KALRN: variants seen among roughly 807,000 people sequenced by gnomAD.
KALRN encodes kalirin RhoGEF kinase.
Under a neutral mutation model 353.7 loss-of-function variants are expected in KALRN, and 70 were observed. The observed-to-expected ratio is 0.20, with a 90% CI of 0.16 to 0.24. KALRN has a LOEUF of 0.24. Among genes scored for constraint, KALRN ranks in the 10% least tolerant of loss-of-function variants. KALRN has a pLI of 1.00. For missense variants in KALRN, 2,791 were observed against 3,756.7 expected (o/e 0.74, Z 6.72); for synonymous variants, 1,391 against 1,434.8 (o/e 0.97, Z 0.69).
intron 1 of KALRN, among the ~76,000 whole-genome samples, chr3:124,073,876 G>T (rs890400503): frequency 1.3e-5 from 2 of 152,022 alleles, no homozygotes; most frequent in African/African-American, 2.4e-5. Context: ...GAAGTATTTT[G>T]TCTCTGATTT....
intron 5 of KALRN, among the ~76,000 whole-genome samples, chr3:124,278,154 A>G (rs1440765837): frequency 2.6e-5 from 4 of 151,308 alleles, no homozygotes. Context: ...TGGATGGAGG[A>G]TAGTGTAGGG....
intron 9 of KALRN, among the ~76,000 whole-genome samples, chr3:124,342,510 A>G (rs1295685328): frequency 2.6e-5 from 4 of 152,202 alleles, no homozygotes; most frequent in African/African-American, 2.4e-5. Flanking sequence ...TTATGGCTGA[A>G]TAGTATTCCA....
At chr3:124,332,692 C>T (rs2080712061) in intron 8 of KALRN, among the ~76,000 whole-genome samples, 1 of 151,978 alleles carries the variant, frequency 6.6e-6, no homozygotes, top group Admixed American at 6.5e-5. Context: ...AGACTGTGGG[C>T]GAGTGTTGGG....
chr3:124,617,300 C>T (rs994089688), intron 34 of KALRN, among the ~76,000 whole-genome samples: 2 of 152,172 alleles, frequency 1.3e-5, no homozygotes, highest in East Asian at 1.9e-4. Flanking sequence ...AGCCACTGCA[C>T]TCCAGCCTGG....
intron 18 of KALRN, among the ~76,000 whole-genome samples, chr3:124,440,493 C>T (rs931630572): frequency 6.6e-6 from 1 of 152,046 alleles, no homozygotes; most frequent in African/African-American, 2.4e-5. Context: ...CTGTTTTATT[C>T]AGGAGCCTCT....
At chr3:124,060,364 C>T (rs1188312713) in intron 1 of KALRN, among the ~76,000 whole-genome samples, 1 of 152,192 alleles carries the variant, frequency 6.6e-6, no homozygotes, top group Admixed American at 6.5e-5. Flanking sequence ...AAGAAAAGTA[C>T]TATTGTAGGT....
intron 12 of KALRN, among the ~76,000 whole-genome samples, chr3:124,397,286 G>C (rs1046112460): frequency 6.6e-6 from 1 of 152,172 alleles, no homozygotes; most frequent in Non-Finnish European, 1.5e-5. Flanking sequence ...AGTAGAAATT[G>C]TGCCTGTATC....
At chr3:124,577,687 G>C (rs865916775) in intron 34 of KALRN, among the ~76,000 whole-genome samples, 53 of 152,160 alleles carry the variant, frequency 3.5e-4, no homozygotes, top group African/African-American at 1.2e-3. Flanking sequence ...AAGAGTTCAA[G>C]ACCAGCCTGG....
chr3:124,382,520 A>G (rs1335488509), intron 10 of KALRN, among the ~76,000 whole-genome samples: 1 of 152,178 alleles, frequency 6.6e-6, no homozygotes, highest in Non-Finnish European at 1.5e-5. Flanking sequence ...GGACACAGGA[A>G]TTTCTATGCT....
At chr3:124,635,094 C>T (rs143787762) in intron 36 of KALRN, among the ~76,000 whole-genome samples, 1 of 152,268 alleles carries the variant, frequency 6.6e-6, no homozygotes, top group East Asian at 1.9e-4. Context: ...CGTGGCCCCT[C>T]CTAGGTGATG....
chr3:124,643,413 C>G (rs756980879), intron 37 of KALRN, among the ~76,000 whole-genome samples: 1 of 152,142 alleles, frequency 6.6e-6, no homozygotes, highest in East Asian at 1.9e-4. Flanking sequence ...CCTACACCCC[C>G]CAACAGTTTG....
chr3:124,308,765 A>G (rs2077953431), intron 6 of KALRN, among the ~76,000 whole-genome samples: 1 of 151,836 alleles, frequency 6.6e-6, no homozygotes. Context: ...CACTGGAAAA[A>G]GAAGAGCAAA....
chr3:124,216,650 A>G (rs541631146), intron 1 of KALRN, among the ~76,000 whole-genome samples: 23 of 152,308 alleles, frequency 1.5e-4, no homozygotes, highest in African/African-American at 5.3e-4. Flanking sequence ...AGAATTCTGG[A>G]GAAGGATTTT....
intron 33 of KALRN, among the ~76,000 whole-genome samples, chr3:124,501,106 C>G (rs891758072): frequency 1.3e-5 from 2 of 152,230 alleles, no homozygotes; most frequent in African/African-American, 4.8e-5. Flanking sequence ...CATTACAAAC[C>G]TATCCTAGTT....
In KALRN at chr3:124,264,546, C is replaced by T; in HGVS notation, c.312C>T (p.Gly104=). ...RGFTVIIDMR[G]SKWDLIKPLL... is the part of the protein sequence containing the mutation. ...TCACTGTCATCATCGACATGCGGGG[C>T]TCCAAGTGGGACCTCATCAAGCCCC... Residue 104 remains glycine (G), a synonymous_variant, in exon 4 of 60, where the codon GGC becomes GGT. Transcript: ENST00000682506. 2 of 1,614,118 alleles carry T rather than the reference C, an allele frequency of 1.2e-6. No individual in the cohort carries two copies. The highest frequency in any genetic ancestry group is 1.3e-5 in the African/African-American group (1 of 75,032).
chr3:124,414,868 T>C (rs1446797265), intron 14 of KALRN, among the ~76,000 whole-genome samples: 2 of 152,208 alleles, frequency 1.3e-5, no homozygotes, highest in Non-Finnish European at 2.9e-5. Flanking sequence ...TGTCCCTGCT[T>C]ATCCTGAAGG....
chr3:124,104,835 G>T (rs2149453780), intron 1 of KALRN, among the ~76,000 whole-genome samples: 1 of 152,324 alleles, frequency 6.6e-6, no homozygotes, highest in Non-Finnish European at 1.5e-5. Context: ...TCAGCTTGGG[G>T]TGCAGGATTA....
chr3:124,608,982 G>C (rs2077647931), intron 34 of KALRN, among the ~76,000 whole-genome samples: 1 of 152,168 alleles, frequency 6.6e-6, no homozygotes, highest in South Asian at 2.1e-4. Context: ...ACCATGAAAG[G>C]TACCTTAGCA....
At chr3:124,058,888 T>C (rs2041780569) in intron 1 of KALRN, among the ~76,000 whole-genome samples, 1 of 152,230 alleles carries the variant, frequency 6.6e-6, no homozygotes, top group Non-Finnish European at 1.5e-5. Flanking sequence ...ACTGTAAGCA[T>C]TCAGGTTAAA....
Sources: allele counts gnomAD v4.1 joint callset (sites outside exome capture counted in the v4.1 genomes callset), GRCh38; gene constraint gnomAD v4.1.1; transcripts MANE v1.5; gene names NCBI Gene and HGNC (gene_info 2026-07-23, HGNC 2026-07-21).